NFATC3: variants seen among roughly 807,000 people sequenced by gnomAD.
NFATC3 encodes nuclear factor of activated T cells 3, also known as nuclear factor of activated T-cells, cytoplasmic 3.
NFATC3 carries 46 observed loss-of-function variants against 98.6 expected under a neutral mutation model. That is an observed-to-expected ratio of 0.47 (90% CI 0.37 to 0.60). NFATC3 has a LOEUF of 0.60. Ranked by LOEUF, NFATC3 falls within the 20% of genes least tolerant of loss-of-function variation. The pLI is 0.00. For synonymous variants in NFATC3, 512 were observed against 472.2 expected (o/e 1.08, Z -1.09); for missense variants, 1,256 against 1,295.5 (o/e 0.97, Z 0.47).
chr16:68,161,905 G>A (rs1220651602), intron 4 of NFATC3, among the ~76,000 whole-genome samples: 1 of 152,164 alleles, frequency 6.6e-6, no homozygotes, highest in Non-Finnish European at 1.5e-5. Flanking sequence ...AAGCATTGGA[G>A]CAGTAGGATC....
chr16:68,116,955 T>C (rs538947846), intron 1 of NFATC3, among the ~76,000 whole-genome samples: 1 of 152,330 alleles, frequency 6.6e-6, no homozygotes, highest in East Asian at 1.9e-4. Flanking sequence ...GACTTCAAGG[T>C]GCTATATATA....
At chr16:68,204,937 G>A (rs2041082567) in intron 9 of NFATC3, among the ~76,000 whole-genome samples, 1 of 150,608 alleles carries the variant, frequency 6.6e-6, no homozygotes. Context: ...CATAGCTTTT[G>A]ATAGACTTAG....
chr16:68,150,379 C>A (rs1481349270), intron 3 of NFATC3, among the ~76,000 whole-genome samples: 2 of 147,240 alleles, frequency 1.4e-5, no homozygotes, highest in Non-Finnish European at 1.5e-5. Context: ...GAGTTTAAGA[C>A]CAGCCAGGGC....
intron 6 of NFATC3, among the ~76,000 whole-genome samples, chr16:68,179,681 A>G (rs1407953834): frequency 1.3e-5 from 2 of 152,360 alleles, no homozygotes; most frequent in East Asian, 3.9e-4. Flanking sequence ...GGCTGTCTCC[A>G]AATGAGTAGT....
chr16:68,087,595 A>G (rs567452695), intron 1 of NFATC3, among the ~76,000 whole-genome samples: 1 of 152,310 alleles, frequency 6.6e-6, no homozygotes, highest in African/African-American at 2.4e-5. Context: ...ACCTTCTTAA[A>G]GTGAACAATT....
At chr16:68,193,331 C>T (rs1050098519) in intron 9 of NFATC3, among the ~76,000 whole-genome samples, 5 of 151,930 alleles carry the variant, frequency 3.3e-5, no homozygotes, top group Admixed American at 1.3e-4. Context: ...ATTTTAGGAC[C>T]GCCTGTGTAC....
chr16:68,085,987 T>G (rs2034349546), intron 1 of NFATC3: 1 of 453,906 alleles, frequency 2.2e-6, no homozygotes. Context: ...GGTGGCGGGC[T>G]TGGCTGGAAG....
chr16:68,184,041 A>AGAAAGGTAAC (rs1281946529), intron 8 of NFATC3, among the ~76,000 whole-genome samples: 6 of 151,774 alleles, frequency 4.0e-5, no homozygotes, highest in African/African-American at 1.5e-4. Context: ...GAGCTTTAAC[A>AGAAAGGTAAC]GAAAGGTAAC....
chr16:68,126,597 A>G lies in NFATC3; in HGVS notation c.1388A>G (p.His463Arg). The change falls in exon 3 of 10, where the codon CAT (histidine) becomes CGT (arginine). Residue 463 changes from histidine to arginine, a missense_variant. Physicochemically the swap from His to Arg is conservative, Grantham distance 29. This residue lies in a region of NFATC3 where 156 missense variants were observed against 212.4 expected (regional missense o/e 0.73). Coordinates refer to ENST00000346183, the MANE Select transcript of NFATC3 (RefSeq NM_173165.3). ...RGAVKASTGG[H>R]PVVKLLGYNE... ...GCAGTAAAAGCATCTACTGGGGGAC[A>G]TCCTGTTGTGAAGGTATGAGACTTT... The G allele has an allele frequency of 6.2e-7, 1 of 1,614,170 alleles. No homozygotes were observed.
intron 1 of NFATC3, among the ~76,000 whole-genome samples, chr16:68,111,536 T>C (rs2035946381): frequency 6.6e-6 from 1 of 152,198 alleles, no homozygotes. Context: ...TAGATGGGTC[T>C]CTTGAATACA....
intron 1 of NFATC3, among the ~76,000 whole-genome samples, chr16:68,109,560 T>A (rs1179939798): frequency 6.6e-6 from 1 of 152,146 alleles, no homozygotes; most frequent in Non-Finnish European, 1.5e-5. Context: ...CTCTTTCAGG[T>A]TTTGGTATCA....
chr16:68,097,993 T>C (rs1293362994), intron 1 of NFATC3, among the ~76,000 whole-genome samples: 2 of 152,114 alleles, frequency 1.3e-5, no homozygotes, highest in African/African-American at 2.4e-5. Context: ...CTTCTTGTCA[T>C]TGCTATTTTG....
At chr16:68,125,583 A>G (rs2151508555) in intron 2 of NFATC3, among the ~76,000 whole-genome samples, 1 of 152,238 alleles carries the variant, frequency 6.6e-6, no homozygotes, top group South Asian at 2.1e-4. Flanking sequence ...AAGGAGCAAT[A>G]GGGAGGAAGT....
At chr16:68,149,619 T>C (rs1476119734) in intron 3 of NFATC3, among the ~76,000 whole-genome samples, 1 of 152,232 alleles carries the variant, frequency 6.6e-6, no homozygotes, top group East Asian at 1.9e-4. Context: ...AGTATTAACA[T>C]GTTCCTTAGA....
At chr16:68,126,126 T>A (rs2036825429) in intron 2 of NFATC3, among the ~76,000 whole-genome samples, 1 of 152,120 alleles carries the variant, frequency 6.6e-6, no homozygotes, top group Non-Finnish European at 1.5e-5. Context: ...TCAGGTAATC[T>A]GCCCACCTCG....
chr16:68,167,282 A>T (rs139507989), intron 5 of NFATC3, among the ~76,000 whole-genome samples: 2 of 152,244 alleles, frequency 1.3e-5, no homozygotes, highest in East Asian at 1.9e-4. Context: ...CTTGTCTGTA[A>T]ATGAGAATGG....
At chr16:68,212,548 G>T (rs2041452524) in intron 9 of NFATC3, 1 of 152,026 alleles carries the variant, frequency 6.6e-6, no homozygotes, top group African/African-American at 2.4e-5. Flanking sequence ...TTGACTCTTG[G>T]GGCATCTGAA....
At chr16:68,173,026 G>A (rs2039535103) in intron 5 of NFATC3, among the ~76,000 whole-genome samples, 1 of 151,854 alleles carries the variant, frequency 6.6e-6, no homozygotes, top group Non-Finnish European at 1.5e-5. Context: ...GGAGGCCAAT[G>A]TGGGAGGATC....
At chr16:68,181,427 G>A (rs751046357) in intron 6 of NFATC3, 48 bp from the exon 7 acceptor site, 28 of 1,400,560 alleles carry the variant, frequency 2.0e-5, no homozygotes, top group Non-Finnish European at 2.8e-5. Flanking sequence ...TTGTCTGTAT[G>A]CTTTCTGATA....
Sources: gnomAD v4.1 joint callset for allele counts (sites outside exome capture counted in the v4.1 genomes callset) on GRCh38, gnomAD v4.1.1 for gene constraint, gnomAD v4.1.1 regional missense constraint, MANE v1.5 for transcripts, NCBI Gene and HGNC (gene_info 2026-07-23, HGNC 2026-07-21) for gene names.